Variants in WDR41 observed in about 807,000 individuals in gnomAD.
WDR41 encodes WD repeat-containing protein 41.
In WDR41, 63 loss-of-function variants were observed where a neutral mutation model predicts 69.3. The observed-to-expected ratio is 0.91, with a 90% CI of 0.74 to 1.12. WDR41 has a LOEUF of 1.12. Ranked by LOEUF, WDR41 falls within the 50% of genes most tolerant of loss-of-function variation. The pLI is 0.00. For missense variants in WDR41, 543 were observed against 534.5 expected (o/e 1.02, Z -0.16); for synonymous variants, 185 against 192.1 (o/e 0.96, Z 0.31).
At chr5:77,485,261 G>A (rs192457491) in intron 2 of WDR41, among the ~76,000 whole-genome samples, 1 of 152,220 alleles carries the variant, frequency 6.6e-6, no homozygotes, top group Admixed American at 6.5e-5. Context: ...TGTTTCCCAG[G>A]GAACCCAGAT....
intron 4 of WDR41, among the ~76,000 whole-genome samples, chr5:77,461,395 T>C (rs1800050928): frequency 1.3e-5 from 2 of 152,244 alleles, no homozygotes; most frequent in South Asian, 2.1e-4. Context: ...TAGAAAGCAC[T>C]TCAGTTGATG....
chr5:77,574,623 C>T (rs1055688101), intron 1 of WDR41, among the ~76,000 whole-genome samples: 2 of 152,148 alleles, frequency 1.3e-5, no homozygotes, highest in Admixed American at 1.3e-4. Context: ...ATTTTTTCTG[C>T]TGGTATAAAT....
chr5:77,616,165 A>G (rs1744678398), intron 1 of WDR41, among the ~76,000 whole-genome samples: 1 of 151,368 alleles, frequency 6.6e-6, no homozygotes, highest in Non-Finnish European at 1.5e-5. Context: ...GATAGAAGGT[A>G]TATGTATATA....
At chr5:77,617,599 G>T (rs911632528) in intron 1 of WDR41, among the ~76,000 whole-genome samples, 5 of 152,034 alleles carry the variant, frequency 3.3e-5, no homozygotes, top group African/African-American at 4.8e-5. Context: ...GATATATACC[G>T]ATATGGGAAA....
chr5:77,433,288 C>T lies in WDR41; in HGVS notation c.1228-1G>A, dbSNP rs1388888735. 1 of 1,608,276 alleles carries T rather than the reference C, an allele frequency of 6.2e-7. No homozygotes were observed. Among genetic ancestry groups the T allele is most frequent in the Non-Finnish European group, 8.5e-7 (1 of 1,178,302 alleles). On this transcript the variant is annotated splice_acceptor_variant, in intron 12 of 12. Transcript: ENST00000296679. LOFTEE classifies it high-confidence loss of function. ...CATGATCTTCAAAGTATAGAAACAT[C>T]TGTAAAGAAAATTAAAACTGATTAT...
intron 1 of WDR41, among the ~76,000 whole-genome samples, chr5:77,609,017 C>T (rs988435576): frequency 4.9e-4 from 75 of 152,276 alleles, no homozygotes; most frequent in African/African-American, 1.3e-3. Flanking sequence ...GCACCTGGCT[C>T]GGAGGGTCCT....
chr5:77,485,646 A>C (rs163030), intron 2 of WDR41, among the ~76,000 whole-genome samples: 95,439 of 152,106 alleles, frequency 0.63, 31,500 homozygotes, highest in African/African-American at 0.83. Context: ...GTATTACATG[A>C]AATTTTAGCA....
At chr5:77,488,148 G>C (rs543590502) in intron 2 of WDR41, among the ~76,000 whole-genome samples, 10 of 152,332 alleles carry the variant, frequency 6.6e-5, no homozygotes, top group Admixed American at 1.3e-4. Context: ...AGCTGGAAAT[G>C]CAAGTGGCCT....
intron 1 of WDR41, among the ~76,000 whole-genome samples, chr5:77,579,177 C>T (rs1415258959): frequency 5.9e-5 from 9 of 151,952 alleles, no homozygotes; most frequent in Admixed American, 5.9e-4. Flanking sequence ...GCTTGCCCAA[C>T]ATGTGTAATG....
At chr5:77,559,170 G>A (rs983321913) in intron 1 of WDR41, among the ~76,000 whole-genome samples, 2 of 152,148 alleles carry the variant, frequency 1.3e-5, no homozygotes, top group Non-Finnish European at 2.9e-5. Flanking sequence ...GACTTGATTT[G>A]TAGCATTTGC....
intron 1 of WDR41, among the ~76,000 whole-genome samples, chr5:77,600,929 A>ATGTGTGTGTG (rs71608111): frequency 0.028 from 4,095 of 144,140 alleles, 85 homozygotes; most frequent in African/African-American, 0.05. Context: ...CTCTGTGTGT[A>ATGTGTGTGTG]TGTGTGTGTG....
intron 1 of WDR41, among the ~76,000 whole-genome samples, chr5:77,620,025 A>G (rs974598709): frequency 1.3e-5 from 2 of 152,172 alleles, no homozygotes; most frequent in African/African-American, 4.8e-5. Context: ...ATAAGCATAT[A>G]TATATGCTAT....
rs1198706435 is a variant in WDR41, at chr5:77,573,267, C to A, written c.42+47212G>T. On this transcript the variant is annotated intron_variant, in intron 1 of 5. Transcript: ENST00000509971. Reference sequence around the variant, plus strand: ...CCAGATTCTCTCTCTCTCTCTCTCTCTTTATTTTTTTTTTAATTTTACTTT... The same window carrying A: ...CCAGATTCTCTCTCTCTCTCTCTCTATTTATTTTTTTTTTAATTTTACTTT... Among the ~76,000 whole-genome samples the A allele has an allele frequency of 1.8e-4, 26 of 141,158 alleles. 1 individual carries two copies. The Admixed American group carries it at 2.1e-3, about 11-fold the overall frequency. 92.6% of individuals were successfully genotyped at this position (141,158 alleles called of 152,430 possible).
chr5:77,460,541 G>A (rs1581719144), intron 4 of WDR41, among the ~76,000 whole-genome samples: 1 of 152,246 alleles, frequency 6.6e-6, no homozygotes, highest in African/African-American at 2.4e-5. Context: ...AATTAAGGAA[G>A]TTAGTTTTTA....
intron 7 of WDR41, 96 bp downstream of exon 7, chr5:77,451,195 C>A: frequency 8.7e-7 from 1 of 1,145,094 alleles, no homozygotes; most frequent in Non-Finnish European, 1.3e-6. Flanking sequence ...GTGGGGCACA[C>A]GCAATGTCCC....
chr5:77,538,220 G>A (rs1743024616), intron 1 of WDR41, among the ~76,000 whole-genome samples: 1 of 152,080 alleles, frequency 6.6e-6, no homozygotes, highest in African/African-American at 2.4e-5. Context: ...TGTCTGACCT[G>A]TTTCATTTAA....
At chr5:77,540,605 A>G (rs940645416) in intron 1 of WDR41, 2 of 151,898 alleles carry the variant, frequency 1.3e-5, no homozygotes, top group East Asian at 3.9e-4. Context: ...CGTAGGGAGG[A>G]TGAGGTGGGA....
intron 12 of WDR41, among the ~76,000 whole-genome samples, chr5:77,434,337 G>A (rs1207833882): frequency 3.3e-5 from 5 of 152,002 alleles, no homozygotes; most frequent in Admixed American, 3.3e-4. Context: ...AGTTTTCTCT[G>A]AAATGACATA....
intron 1 of WDR41, among the ~76,000 whole-genome samples, chr5:77,559,562 A>T (rs1743483244): frequency 6.6e-6 from 1 of 151,820 alleles, no homozygotes; most frequent in Admixed American, 6.6e-5. Context: ...TTTTTATATA[A>T]TGTTGTTATA....
Sources: gnomAD v4.1 joint callset for allele counts (sites outside exome capture counted in the v4.1 genomes callset) on GRCh38, gnomAD v4.1.1 for gene constraint, MANE v1.5 for transcripts, NCBI Gene and HGNC (gene_info 2026-07-23, HGNC 2026-07-21) for gene names.